Variants in PPARG observed in about 807,000 individuals in gnomAD.
PPARG encodes peroxisome proliferator-activated receptor gamma.
A neutral mutation model predicts 39.2 loss-of-function variants in PPARG; 17 were observed. The observed-to-expected ratio is 0.43, with a 90% CI of 0.30 to 0.65. The LOEUF is 0.65. Ranked by LOEUF, PPARG falls within the 30% of genes least tolerant of loss-of-function variation. The probability of loss-of-function intolerance (pLI) is 0.13; values close to 1 mark genes in which losing one functional copy is unlikely to be tolerated. For synonymous variants in PPARG, 223 were observed against 215.7 expected (o/e 1.03, Z -0.30); for missense variants, 406 against 585.9 (o/e 0.69, Z 3.17).
At chr3:12,402,140 G>A (rs753151335) in intron 5 of PPARG, among the ~76,000 whole-genome samples, 17 of 152,296 alleles carry the variant, frequency 1.1e-4, no homozygotes, top group Admixed American at 5.9e-4. Context: ...CTGAATCAGA[G>A]CTTAGAACCA....
chr3:12,288,298 A>G (rs1054174489), upstream of PPARG, among the ~76,000 whole-genome samples: 1 of 151,280 alleles, frequency 6.6e-6, no homozygotes, highest in African/African-American at 2.4e-5. Flanking sequence ...GGCTGAGGGC[A>G]CCCGGGCTGA....
At chr3:12,429,776 C>A (rs2051592925) in intron 7 of PPARG, among the ~76,000 whole-genome samples, 1 of 152,126 alleles carries the variant, frequency 6.6e-6, no homozygotes, top group South Asian at 2.1e-4. Context: ...AGGTGCCAGT[C>A]TGGGGCCCAG....
chr3:12,321,180 C>T (rs975326647), intron 2 of PPARG, among the ~76,000 whole-genome samples: 9 of 152,156 alleles, frequency 5.9e-5, no homozygotes, highest in East Asian at 1.9e-4. Flanking sequence ...TGTCCGATGG[C>T]GTGGACTCAC....
At chr3:12,386,042 A>G (rs1223981588) in intron 4 of PPARG, among the ~76,000 whole-genome samples, 1 of 152,204 alleles carries the variant, frequency 6.6e-6, no homozygotes, top group East Asian at 1.9e-4. Context: ...TCAGATGGTG[A>G]CTGATGCATC....
intron 1 of PPARG, among the ~76,000 whole-genome samples, chr3:12,300,958 G>A (rs1248508889): frequency 1.3e-5 from 2 of 152,084 alleles, no homozygotes; most frequent in Non-Finnish European, 2.9e-5. Context: ...TGCTTTTTCA[G>A]TATCACTTGT....
intron 7 of PPARG, among the ~76,000 whole-genome samples, chr3:12,423,265 C>T (rs2051324620): frequency 6.6e-6 from 1 of 152,174 alleles, no homozygotes; most frequent in African/African-American, 2.4e-5. Flanking sequence ...TGTCGAAATA[C>T]CATCCAGTCC....
At chr3:12,316,142 G>A (rs368902894) in intron 2 of PPARG, among the ~76,000 whole-genome samples, 26 of 152,292 alleles carry the variant, frequency 1.7e-4, no homozygotes, top group African/African-American at 4.3e-4. Context: ...GCATAAAGCC[G>A]TTTAAAATCA....
chr3:12,321,736 G>C (rs2047552057), intron 2 of PPARG, among the ~76,000 whole-genome samples: 1 of 152,040 alleles, frequency 6.6e-6, no homozygotes. Context: ...AAATCTTATG[G>C]GTCAGACACA....
upstream of PPARG, chr3:12,287,834 A>ACCCCCC (rs2046542648): frequency 3.3e-4 from 6 of 18,422 alleles, no homozygotes; most frequent in Non-Finnish European, 6.5e-4. Flanking sequence ...CCCCACCCCC[A>ACCCCCC]CCCCCACCCC....
At chr3:12,344,961 T>C (rs989143641) in intron 2 of PPARG, 8 of 152,196 alleles carry the variant, frequency 5.3e-5, no homozygotes, top group Non-Finnish European at 1.2e-4. Context: ...CCAAAAACTA[T>C]TATCTGGTTC....
At chr3:12,328,277 G>A in intron 2 of PPARG, 4 of 1,473,168 alleles carry the variant, frequency 2.7e-6, no homozygotes, top group South Asian at 2.4e-5. Flanking sequence ...GGGCCCAGTA[G>A]GGAGCCTCTC....
At position 12,298,324 on chromosome 3, in the gene PPARG, A is replaced by AAAAAAAAAAAAAAAAAG. The variant is rs764771478; in HGVS notation, c.-83+9193_-83+9194insAAAAAAAAAAAAAGAAA. ...AAAAAAAAAAAAAAAAAAAAAAAAAAAAAGAAATGTAAAATAGCAAGCGAG... is the reference window on the plus strand; with the variant it reads ...AAAAAAAAAAAAAAAAAAAAAAAAAAAAAAAAAAAAAAAAAAGAAAGAAATGTAAAATAGCAAGCGAG... On this transcript the variant is annotated intron_variant, in intron 1 of 7. Transcript: ENST00000651735. Among the ~76,000 whole-genome samples the AAAAAAAAAAAAAAAAAG allele has an allele frequency of 2.8e-3, 375 of 134,610 alleles. 10 individuals carry two copies. The highest frequency in any genetic ancestry group is 4.4e-3 in the Non-Finnish European group (269 of 61,214). The allele number at this position is 134,610 out of a possible 152,430, so 88.3% of individuals were successfully genotyped here. A position where few individuals can be genotyped will look rare whatever the true frequency, so the allele number is the denominator to read the frequency against.
intron 2 of PPARG, among the ~76,000 whole-genome samples, chr3:12,352,183 A>G (rs17036342): frequency 0.13 from 20,370 of 152,172 alleles, 1,434 homozygotes; most frequent in African/African-American, 0.17. Context: ...AGAATTGTAA[A>G]TTCCCAGAGT....
chr3:12,346,362 T>G (rs888713879), intron 2 of PPARG, among the ~76,000 whole-genome samples: 3 of 152,152 alleles, frequency 2.0e-5, no homozygotes, highest in Non-Finnish European at 4.4e-5. Flanking sequence ...TCCATTAAAT[T>G]TTAAATAAAT....
chr3:12,289,215 T>G (rs985268467), intron 1 of PPARG, 81 bp downstream of exon 1: 5 of 151,978 alleles, frequency 3.3e-5, no homozygotes, highest in African/African-American at 1.2e-4. Flanking sequence ...TGTATTATCC[T>G]TATATCATTT....
chr3:12,352,814 A>G (rs980508090), intron 2 of PPARG, among the ~76,000 whole-genome samples: 5 of 152,192 alleles, frequency 3.3e-5, no homozygotes, highest in Admixed American at 1.3e-4. Flanking sequence ...ATGTATTTCT[A>G]TCATCTAAGC....
At chr3:12,382,808 A>G (rs1378067313) in intron 4 of PPARG, among the ~76,000 whole-genome samples, 1 of 152,000 alleles carries the variant, frequency 6.6e-6, no homozygotes, top group Non-Finnish European at 1.5e-5. Context: ...CATCCCTACA[A>G]AATTTTTAAA....
At chr3:12,380,339 G>T (rs776232904) in intron 3 of PPARG, among the ~76,000 whole-genome samples, 3 of 151,962 alleles carry the variant, frequency 2.0e-5, no homozygotes, top group African/African-American at 4.8e-5. Context: ...CTATATTACT[G>T]CTACTACAGT....
At chr3:12,302,497 A>C (rs1333504232) in intron 1 of PPARG, among the ~76,000 whole-genome samples, 1 of 152,200 alleles carries the variant, frequency 6.6e-6, no homozygotes, top group African/African-American at 2.4e-5. Flanking sequence ...TCATAAATAC[A>C]TTTTAAATTG....
Sources: gnomAD v4.1 joint callset for allele counts (sites outside exome capture counted in the v4.1 genomes callset) on GRCh38, gnomAD v4.1.1 for gene constraint, MANE v1.5 for transcripts, NCBI Gene and HGNC (gene_info 2026-07-23, HGNC 2026-07-21) for gene names.